TENM3: variants seen among roughly 807,000 people sequenced by gnomAD.
TENM3 encodes teneurin-3.
TENM3 carries 63 observed loss-of-function variants against 255.1 expected under a neutral mutation model. That is an observed-to-expected ratio of 0.25 (90% CI 0.20 to 0.30). The LOEUF is 0.30. Ranked by LOEUF, TENM3 falls within the 10% of genes least tolerant of loss-of-function variation. The pLI is 1.00. For missense variants in TENM3, 2,929 were observed against 3,461.1 expected (o/e 0.85, Z 3.86); for synonymous variants, 1,306 against 1,322.3 (o/e 0.99, Z 0.27).
chr4:182,543,328 T>G (rs1292071154), intron 3 of TENM3, among the ~76,000 whole-genome samples: 2 of 152,130 alleles, frequency 1.3e-5, no homozygotes, highest in African/African-American at 4.8e-5. Flanking sequence ...ACAAATTCAA[T>G]AGGAGAAAGA....
the TENM3 span, among the ~76,000 whole-genome samples, chr4:181,527,983 A>C: frequency 6.6e-6 from 1 of 152,106 alleles, no homozygotes; most frequent in South Asian, 2.1e-4. Flanking sequence ...TGTACTAAAA[A>C]TTGTTTACTT....
the TENM3 span, among the ~76,000 whole-genome samples, chr4:181,612,016 G>C: frequency 1.1e-4 from 16 of 152,258 alleles, no homozygotes; most frequent in East Asian, 2.3e-3. Context: ...AAAGTTAATG[G>C]TAAGTGTGGC....
At chr4:182,173,207 G>A (rs1752221509) in intron 1 of TENM3, among the ~76,000 whole-genome samples, 1 of 152,152 alleles carries the variant, frequency 6.6e-6, no homozygotes, top group Non-Finnish European at 1.5e-5. Context: ...ACACATAAGG[G>A]TTCAGCACCT....
At chr4:181,728,084 C>T in the TENM3 span, among the ~76,000 whole-genome samples, 1 of 152,122 alleles carries the variant, frequency 6.6e-6, no homozygotes, top group Non-Finnish European at 1.5e-5. Flanking sequence ...CTGTAATAGA[C>T]TCATGTTCTT....
the TENM3 span, among the ~76,000 whole-genome samples, chr4:182,137,881 G>GAATTTGATATTCA: frequency 2.0e-5 from 3 of 152,134 alleles, no homozygotes; most frequent in Non-Finnish European, 4.4e-5. Context: ...CAGAAATAGG[G>GAATTTGATATTCA]GAAAGGAGCT....
the TENM3 span, among the ~76,000 whole-genome samples, chr4:182,046,967 C>T: frequency 6.6e-6 from 1 of 152,156 alleles, no homozygotes; most frequent in Non-Finnish European, 1.5e-5. Flanking sequence ...GATCCTACCT[C>T]TCTGATCACA....
At chr4:182,501,255 C>G (rs910428731) in intron 3 of TENM3, among the ~76,000 whole-genome samples, 12 of 151,352 alleles carry the variant, frequency 7.9e-5, no homozygotes, top group African/African-American at 2.7e-4. Context: ...CACAGTCATC[C>G]TGATAACATG....
chr4:181,641,634 A>C, the TENM3 span, among the ~76,000 whole-genome samples: 1 of 49,184 alleles, frequency 2.0e-5, no homozygotes, highest in Non-Finnish European at 4.4e-5. Context: ...GTGTGTATAT[A>C]TATATAATGG....
chr4:182,082,043 A>G, the TENM3 span, among the ~76,000 whole-genome samples: 3 of 152,208 alleles, frequency 2.0e-5, no homozygotes, highest in Non-Finnish European at 4.4e-5. Context: ...TTATTTAAAC[A>G]TATACAAAAG....
the TENM3 span, among the ~76,000 whole-genome samples, chr4:181,627,428 T>C: frequency 3.3e-5 from 5 of 152,316 alleles, no homozygotes; most frequent in East Asian, 9.7e-4. Context: ...GTTGCTGTGC[T>C]GCACACATTA....
the TENM3 span, among the ~76,000 whole-genome samples, chr4:181,639,348 C>T: frequency 1.3e-5 from 2 of 152,182 alleles, no homozygotes; most frequent in Admixed American, 1.3e-4. Flanking sequence ...GTTAGTTATA[C>T]AAATGAGCAC....
chr4:181,666,057 T>G, the TENM3 span, among the ~76,000 whole-genome samples: 59 of 152,288 alleles, frequency 3.9e-4, no homozygotes, highest in Middle Eastern at 3.4e-3. Flanking sequence ...ATAGCTAGAT[T>G]TGTTAATGTA....
chr4:181,686,565 A>G, the TENM3 span, among the ~76,000 whole-genome samples: 1 of 152,158 alleles, frequency 6.6e-6, no homozygotes, highest in Admixed American at 6.6e-5. Flanking sequence ...GATGTTATGG[A>G]AATTCACAAA....
At chr4:181,862,230 C>G in the TENM3 span, among the ~76,000 whole-genome samples, 1 of 151,868 alleles carries the variant, frequency 6.6e-6, no homozygotes, top group Non-Finnish European at 1.5e-5. Context: ...CACACACAAG[C>G]GCACACACAC....
At chr4:181,620,325 G>A in the TENM3 span, among the ~76,000 whole-genome samples, 18 of 151,984 alleles carry the variant, frequency 1.2e-4, no homozygotes, top group Non-Finnish European at 1.5e-5. Context: ...TGGTGTACAC[G>A]GGGGATTGGT....
chr4:182,751,215 T>A (rs1762348591), intron 19 of TENM3, among the ~76,000 whole-genome samples: 1 of 152,242 alleles, frequency 6.6e-6, no homozygotes, highest in South Asian at 2.1e-4. Flanking sequence ...TAGACTTGAA[T>A]GACCTCATTT....
intron 3 of TENM3, among the ~76,000 whole-genome samples, chr4:182,557,010 G>C (rs144471044): frequency 6.6e-6 from 1 of 152,236 alleles, no homozygotes; most frequent in East Asian, 1.9e-4. Flanking sequence ...CATCTAATGT[G>C]TACTGAAAAC....
intron 22 of TENM3, among the ~76,000 whole-genome samples, chr4:182,761,530 C>T (rs925485296): frequency 2.0e-5 from 3 of 152,140 alleles, no homozygotes; most frequent in Non-Finnish European, 2.9e-5. Context: ...AACACTGAAC[C>T]TTGCATCATT....
At chr4:182,195,029 A>T (rs1196783886) in intron 1 of TENM3, among the ~76,000 whole-genome samples, 39 of 32,114 alleles carry the variant, frequency 1.2e-3, no homozygotes, top group East Asian at 8.7e-3. Flanking sequence ...TCTATCACAC[A>T]CACACACACA....
Sources: gnomAD v4.1 joint callset for allele counts (sites outside exome capture counted in the v4.1 genomes callset) on GRCh38, gnomAD v4.1.1 for gene constraint, MANE v1.5 for transcripts, NCBI Gene and HGNC (gene_info 2026-07-23, HGNC 2026-07-21) for gene names.